Variants in IQCK observed in about 807,000 individuals in gnomAD.
IQCK encodes the protein IQ domain-containing protein K.
IQCK carries 29 observed loss-of-function variants against 28.1 expected under a neutral mutation model. That is an observed-to-expected ratio of 1.03 (90% CI 0.77 to 1.41). IQCK has a LOEUF of 1.41. Among genes scored for constraint, IQCK ranks in the 40% most tolerant of loss-of-function variants. IQCK has a pLI of 0.00. For synonymous variants in IQCK, 113 were observed against 115.1 expected, an observed-to-expected ratio of 0.98 and a Z score of 0.12; for missense variants, 359 against 314.7, an observed-to-expected ratio of 1.14 and a Z score of -1.07.
chr16:19,823,932 TA>T (rs60256068), intron 7 of IQCK, among the ~76,000 whole-genome samples: 15,687 of 143,958 alleles, frequency 0.11, 920 homozygotes, highest in Non-Finnish European at 0.13. Flanking sequence ...GACTCCCTCT[TA>T]AAAAATAAAT....
At chr16:19,853,072 C>T (rs534021247) in intron 9 of IQCK, among the ~76,000 whole-genome samples, 73 of 152,258 alleles carry the variant, frequency 4.8e-4, no homozygotes, top group Non-Finnish European at 7.8e-4. Context: ...GTTTTGCTAT[C>T]ACGAGCATCC....
rs755612555 is a variant in IQCK, at chr16:19,815,290, CG to C, written c.691-11735del. ...AACTCTAAGAGGACTACTGTCCCAC[CG>C]CAGTAGAATATCTGTAACACTTCCA... On this transcript the variant is annotated intron_variant, in intron 7 of 7. Coordinates refer to ENST00000564186, the Ensembl canonical transcript of IQCK. Among the ~76,000 whole-genome samples the C allele has an allele frequency of 5.3e-5, 8 of 152,094 alleles. No individual in the cohort carries two copies. In the East Asian group the frequency reaches 1.3e-3, roughly 26 times the overall value.
downstream of IQCK, among the ~76,000 whole-genome samples, chr16:19,831,637 G>A (rs140867789): frequency 6.6e-6 from 1 of 150,914 alleles, no homozygotes; most frequent in East Asian, 1.9e-4. Flanking sequence ...GATTGCAAAT[G>A]AAAATGGTTT....
chr16:19,853,070 A>G (rs1421752106), intron 9 of IQCK, among the ~76,000 whole-genome samples: 2 of 152,192 alleles, frequency 1.3e-5, no homozygotes, highest in East Asian at 3.9e-4. Context: ...AGGTTTTGCT[A>G]TCACGAGCAT....
chr16:19,763,862 A>G (rs1312032800), exon 5 of IQCK: 9 of 1,613,410 alleles, frequency 5.6e-6, no homozygotes, highest in Non-Finnish European at 7.6e-6. Context: ...AAAGAACCAA[A>G]TTCATTGCCT....
At chr16:19,753,940 C>A (rs893498235) in intron 4 of IQCK, among the ~76,000 whole-genome samples, 1 of 152,062 alleles carries the variant, frequency 6.6e-6, no homozygotes, top group African/African-American at 2.4e-5. Context: ...AAATTAACTT[C>A]CCAGAAGCTC....
Position 19,799,729 on chromosome 16 carries a change from T to C in IQCK, c.690+10807T>C, listed in dbSNP as rs148170810. On this transcript the variant is annotated intron_variant, in intron 7 of 7. Coordinates refer to ENST00000564186, the Ensembl canonical transcript of IQCK. The stretch of plus-strand genomic sequence containing the variant: ...ATATATTCAGTGAAAAACATTATTG[T>C]TCAAATTCACACACCTGTAGTCCCA... Among the ~76,000 whole-genome samples, 206 of 75,474 alleles carry C rather than the reference T, an allele frequency of 2.7e-3. 3 individuals are homozygous for C. Among genetic ancestry groups the C allele is most frequent in the Non-Finnish European group, 3.3e-3 (149 of 45,342 alleles). The allele number at this position is 75,474 out of a possible 152,430, so 49.5% of individuals were successfully genotyped here. A position where few individuals can be genotyped will look rare whatever the true frequency, so the allele number is the denominator to read the frequency against.
chr16:19,833,062 C>T (rs1406703025), intron 9 of IQCK, among the ~76,000 whole-genome samples: 1 of 152,126 alleles, frequency 6.6e-6, no homozygotes, highest in Non-Finnish European at 1.5e-5. Flanking sequence ...AATTAATGAA[C>T]ACATCTATCA....
intron 4 of IQCK, among the ~76,000 whole-genome samples, chr16:19,748,896 AAAC>A (rs1225872676): frequency 2.6e-5 from 4 of 152,214 alleles, no homozygotes; most frequent in Non-Finnish European, 5.9e-5. Flanking sequence ...TAATGGAAAA[AAAC>A]AAAACAAAAC....
At position 19,743,785 on chromosome 16, in the gene IQCK, G is replaced by A. The variant is rs2151692445; in HGVS notation, c.474+8335G>A. ...GCAGAGGTCAGATTCTGACATGAAA[G>A]ATGGGTCTGGAGGCTGTGGAGAAAA... On this transcript the variant is annotated intron_variant, in intron 4 of 7. Coordinates refer to ENST00000564186, the Ensembl canonical transcript of IQCK. 2.0e-5 allele frequency among the ~76,000 whole-genome samples: 3 copies of A among 152,364 alleles called. No individual in the cohort carries two copies. In the South Asian group the frequency reaches 6.2e-4, roughly 32 times the overall value.
At chr16:19,755,706 A>G (rs2055042804) in intron 4 of IQCK, among the ~76,000 whole-genome samples, 1 of 152,222 alleles carries the variant, frequency 6.6e-6, no homozygotes, top group Non-Finnish European at 1.5e-5. Flanking sequence ...GCCACCAGCC[A>G]GAGAGATTCT....
At chr16:19,730,592 G>A in intron 2 of IQCK, 98 bp downstream of exon 2, 1 of 928,442 alleles carries the variant, frequency 1.1e-6, no homozygotes, top group Non-Finnish European at 1.5e-6. Flanking sequence ...AGTTCAGGAG[G>A]TGGGAAAGGG....
At chr16:19,777,956 G>A (rs1394173343) in intron 6 of IQCK, among the ~76,000 whole-genome samples, 1 of 152,140 alleles carries the variant, frequency 6.6e-6, no homozygotes, top group Non-Finnish European at 1.5e-5. Context: ...CGGAGGCTGA[G>A]GTGAGAGAAT....
intron 1 of IQCK, among the ~76,000 whole-genome samples, chr16:19,729,679 C>T (rs1398509909): frequency 2.0e-5 from 3 of 151,688 alleles, no homozygotes; most frequent in Non-Finnish European, 4.4e-5. Context: ...GAGTCTCGCT[C>T]TGTCGCCCAG....
In IQCK at chr16:19,792,625, G is replaced by A. The variant is rs1412879917; in HGVS notation, c.690+3703G>A. Among the ~76,000 whole-genome samples, 2 of 92,804 alleles carry A rather than the reference G, an allele frequency of 2.2e-5. 1 individual carries two copies. Among genetic ancestry groups the A allele is most frequent in the African/African-American group, 2.5e-4 (2 of 8,028 alleles). The allele number at this position is 92,804 out of a possible 152,430, so 60.9% of individuals were successfully genotyped here. ...TTGCTCTTGTTGCCCATGCTGGAGT[G>A]CGGTGGCGTGATCTCAGCTCACTGC... On this transcript the variant is annotated intron_variant, in intron 7 of 7. Transcript: ENST00000564186.
chr16:19,761,535 A>G, intron 4 of IQCK: 1 of 299,126 alleles, frequency 3.3e-6, no homozygotes, highest in South Asian at 2.8e-5. Context: ...ACACCTCTAG[A>G]CTGACTTGAT....
At chr16:19,722,688 G>A (rs1049111712) in intron 1 of IQCK, among the ~76,000 whole-genome samples, 2 of 149,972 alleles carry the variant, frequency 1.3e-5, no homozygotes, top group African/African-American at 2.4e-5. Flanking sequence ...TGTTACCATC[G>A]TTCACTCAGC....
chr16:19,851,734 C>T (rs1388963670), intron 9 of IQCK, among the ~76,000 whole-genome samples: 1 of 152,198 alleles, frequency 6.6e-6, no homozygotes, highest in Admixed American at 6.5e-5. Flanking sequence ...ACAAGGACAG[C>T]ATAGGGGTGC....
chr16:19,812,235 C>T (rs1375563818), intron 7 of IQCK, among the ~76,000 whole-genome samples: 2 of 152,126 alleles, frequency 1.3e-5, no homozygotes, highest in African/African-American at 4.8e-5. Context: ...GATCCGCCCA[C>T]CTGGGCCTCC....
Sources: allele counts gnomAD v4.1 joint callset (sites outside exome capture counted in the v4.1 genomes callset), GRCh38; gene constraint gnomAD v4.1.1; transcripts MANE v1.5; gene names NCBI Gene and HGNC (gene_info 2026-07-23, HGNC 2026-07-21).